Variants in FBXW4 observed in about 807,000 individuals in gnomAD.
The protein encoded by FBXW4 is F-box/WD repeat-containing protein 4.
In FBXW4, 40 loss-of-function variants were observed where a neutral mutation model predicts 61.8. That is an observed-to-expected ratio of 0.65 (90% CI 0.50 to 0.84). The LOEUF (loss-of-function observed/expected upper bound fraction) is 0.84, where lower values mean the gene tolerates loss of function less well. Among genes scored for constraint, FBXW4 ranks in the 40% least tolerant of loss-of-function variants. The pLI is 0.00. For synonymous variants in FBXW4, 311 were observed against 313.8 expected, an observed-to-expected ratio of 0.99 and a Z score of 0.10; for missense variants, 672 against 753.8, an observed-to-expected ratio of 0.89 and a Z score of 1.27.
At chr10:101,663,351 T>C (rs1292034653) in intron 5 of FBXW4, among the ~76,000 whole-genome samples, 3 of 151,934 alleles carry the variant, frequency 2.0e-5, no homozygotes, top group African/African-American at 7.3e-5. Flanking sequence ...AGGAGTGAGG[T>C]GAAAGGGTGA....
intron 4 of FBXW4, among the ~76,000 whole-genome samples, chr10:101,671,118 T>C (rs2064355137): frequency 6.6e-6 from 1 of 152,158 alleles, no homozygotes; most frequent in Non-Finnish European, 1.5e-5. Flanking sequence ...GTTTCAGTTA[T>C]AAAAGACAAA....
At position 101,638,754 on chromosome 10, in the gene FBXW4, A is replaced by G. The variant is rs529259414; in HGVS notation, c.1236-13944T>C. Among the ~76,000 whole-genome samples the G allele has an allele frequency of 9.1e-4, 139 of 152,344 alleles. 1 individual carries two copies. Among genetic ancestry groups the G allele is most frequent in the African/African-American group, 3.3e-3 (138 of 41,582 alleles). On this transcript the variant is annotated intron_variant, in intron 5 of 8. Transcript: ENST00000331272. ...TGATTCTGATTATTGCACAAACCACATGATATCTTGGCTCCATCCGGGACT... is the reference window on the plus strand; with the variant it reads ...TGATTCTGATTATTGCACAAACCACGTGATATCTTGGCTCCATCCGGGACT...
upstream of FBXW4, chr10:101,695,253 G>C: frequency 1.0e-6 from 1 of 957,624 alleles, no homozygotes; most frequent in Non-Finnish European, 1.2e-6. This position sits in a 1 kb window ranked among gnomAD's most constrained non-coding sequence, Gnocchi z 4.2. Flanking sequence ...CAGCCTTGGA[G>C]CCACTTCGGG....
intron 5 of FBXW4, chr10:101,660,044 C>T (rs955090373): frequency 1.0e-6 from 1 of 977,708 alleles, no homozygotes; most frequent in Non-Finnish European, 1.2e-6. Context: ...GAATGGACTG[C>T]ACCCTTTCCT....
chr10:101,632,450 A>G (rs2063966815), intron 5 of FBXW4, among the ~76,000 whole-genome samples: 1 of 152,144 alleles, frequency 6.6e-6, no homozygotes, highest in South Asian at 2.1e-4. Flanking sequence ...ATTATTCTCT[A>G]TTTTAACGAA....
chr10:101,642,844 C>A (rs1347624315), intron 5 of FBXW4, among the ~76,000 whole-genome samples: 1 of 152,170 alleles, frequency 6.6e-6, no homozygotes, highest in Non-Finnish European at 1.5e-5. Context: ...CGCCACCAGG[C>A]CCTCCTTTAA....
intron 1 of FBXW4, among the ~76,000 whole-genome samples, chr10:101,685,102 C>A (rs958118538): frequency 2.6e-5 from 4 of 152,170 alleles, no homozygotes; most frequent in African/African-American, 9.6e-5. Flanking sequence ...ACCTATACTG[C>A]CAGCCCCAGC....
intron 5 of FBXW4, among the ~76,000 whole-genome samples, chr10:101,651,015 G>A (rs1013255138): frequency 2.0e-5 from 3 of 152,196 alleles, no homozygotes; most frequent in South Asian, 4.1e-4. Flanking sequence ...GCCTTTTCAC[G>A]GGGAAGATGC....
intron 5 of FBXW4, chr10:101,627,836 A>C (rs2063919146): frequency 2.5e-5 from 11 of 433,728 alleles, no homozygotes; most frequent in Non-Finnish European, 3.4e-5. Context: ...TGTTACCCCC[A>C]CACTCAGACT....
intron 4 of FBXW4, among the ~76,000 whole-genome samples, chr10:101,669,461 C>T (rs1487505088): frequency 6.6e-6 from 1 of 152,150 alleles, no homozygotes; most frequent in East Asian, 1.9e-4. Context: ...AAGGCCTAGG[C>T]CTGAATTCAC....
At chr10:101,628,466 A>G (rs760811775) in intron 5 of FBXW4, among the ~76,000 whole-genome samples, 1 of 152,158 alleles carries the variant, frequency 6.6e-6, no homozygotes, top group Non-Finnish European at 1.5e-5. Flanking sequence ...TGGGTACTGT[A>G]CTGTCTAGCA....
intron 5 of FBXW4, among the ~76,000 whole-genome samples, chr10:101,644,496 C>T (rs2064079920): frequency 6.6e-6 from 1 of 152,144 alleles, no homozygotes; most frequent in Non-Finnish European, 1.5e-5. Context: ...AAAAAGATGG[C>T]AAACTGAACC....
At chr10:101,628,052 C>A in intron 5 of FBXW4, 1 of 849,180 alleles carries the variant, frequency 1.2e-6, no homozygotes, top group Non-Finnish European at 1.4e-6. Flanking sequence ...GTGCTGGCTC[C>A]TGTGCTAGGC....
intron 5 of FBXW4, among the ~76,000 whole-genome samples, chr10:101,638,356 C>CA (rs1264943501): frequency 1.3e-5 from 2 of 151,898 alleles, no homozygotes; most frequent in Non-Finnish European, 2.9e-5. Context: ...AGCTGCAGAA[C>CA]AAATGTATAA....
At chr10:101,613,340 C>T (rs2063803086) in intron 6 of FBXW4, among the ~76,000 whole-genome samples, 3 of 152,338 alleles carry the variant, frequency 2.0e-5, no homozygotes, top group Admixed American at 2.0e-4. Context: ...TCCCTGCAGC[C>T]AGGGGATGGG....
chr10:101,636,586 A>G (rs2064003720), intron 5 of FBXW4, among the ~76,000 whole-genome samples: 1 of 144,590 alleles, frequency 6.9e-6, no homozygotes, highest in Admixed American at 6.9e-5. Context: ...TATGATTACT[A>G]TCTTTTTTTT....
chr10:101,660,443 G>A (rs1242112878), intron 5 of FBXW4, among the ~76,000 whole-genome samples: 1 of 152,088 alleles, frequency 6.6e-6, no homozygotes, highest in Non-Finnish European at 1.5e-5. Context: ...AGACATCAGA[G>A]GCTTCCCGGC....
At chr10:101,612,601 A>T (rs1414223043) in intron 6 of FBXW4, 124 bp from the exon 7 acceptor site, 9 of 1,125,850 alleles carry the variant, frequency 8.0e-6, no homozygotes, top group Non-Finnish European at 9.5e-6. Context: ...GACTCAAGGA[A>T]GGGGGCTCAG....
chr10:101,659,782 T>C (rs572190754), intron 5 of FBXW4, among the ~76,000 whole-genome samples: 5 of 152,354 alleles, frequency 3.3e-5, no homozygotes, highest in African/African-American at 1.2e-4. Context: ...AGAGCTAGTA[T>C]GTATGGTATG....
Sources: gnomAD v4.1 joint callset for allele counts (sites outside exome capture counted in the v4.1 genomes callset) on GRCh38, gnomAD v4.1.1 for gene constraint, Gnocchi (gnomAD v3.1) non-coding constraint, MANE v1.5 for transcripts, NCBI Gene and HGNC (gene_info 2026-07-23, HGNC 2026-07-21) for gene names.